The following SOX6 variants were observed in gnomAD, a reference collection of about 807,000 sequenced individuals.
SOX6 encodes the protein transcription factor SOX-6.
Under a neutral mutation model 97.8 loss-of-function variants are expected in SOX6, and 11 were observed. The ratio of observed to expected loss-of-function variants is 0.11; its 90% confidence interval spans 0.07 to 0.19. The LOEUF (loss-of-function observed/expected upper bound fraction) is 0.19, where lower values mean the gene tolerates loss of function less well. Among genes scored for constraint, SOX6 ranks in the 10% least tolerant of loss-of-function variants. The pLI is 1.00. For missense variants in SOX6, 810 were observed against 1,039.5 expected, an observed-to-expected ratio of 0.78 and a Z score of 3.04; for synonymous variants, 360 against 371.4, an observed-to-expected ratio of 0.97 and a Z score of 0.35.
chr11:16,615,048 C>G (rs1181136240), intron 3 of SOX6, among the ~76,000 whole-genome samples: 1 of 152,174 alleles, frequency 6.6e-6, no homozygotes, highest in East Asian at 1.9e-4. Flanking sequence ...GGCCCCCAAG[C>G]CGGACCCCAC....
chr11:16,132,144 G>A (rs1849756069), intron 6 of SOX6, among the ~76,000 whole-genome samples: 1 of 150,652 alleles, frequency 6.6e-6, no homozygotes, highest in Admixed American at 6.7e-5. Flanking sequence ...ATTTACCTAA[G>A]ACTATACCAA....
At chr11:16,346,263 A>G (rs555621965) in intron 1 of SOX6, among the ~76,000 whole-genome samples, 1 of 152,178 alleles carries the variant, frequency 6.6e-6, no homozygotes, top group African/African-American at 2.4e-5. Context: ...ATCTTAAGGA[A>G]CATGAGTAAC....
chr11:16,132,305 AGGAAGGAAGGAAG>A (rs1849772006), intron 6 of SOX6, among the ~76,000 whole-genome samples: 6 of 129,628 alleles, frequency 4.6e-5, no homozygotes, highest in African/African-American at 1.8e-4. Context: ...GAAGGAAGGA[AGGAAGGAAGGAAG>A]GAAGGAAGGA....
intron 1 of SOX6, among the ~76,000 whole-genome samples, chr11:16,394,361 C>T (rs1430401100): frequency 6.6e-6 from 1 of 151,848 alleles, no homozygotes; most frequent in Non-Finnish European, 1.5e-5. Context: ...GTGAGACGTT[C>T]TATAAATCCC....
chr11:16,388,081 T>A (rs949593748), intron 1 of SOX6, among the ~76,000 whole-genome samples: 4 of 152,176 alleles, frequency 2.6e-5, no homozygotes, highest in Non-Finnish European at 5.9e-5. Context: ...AGGTTTTTCC[T>A]AGCCATCCTT....
chr11:15,990,408 A>C (rs1854012930), intron 13 of SOX6, among the ~76,000 whole-genome samples: 1 of 151,816 alleles, frequency 6.6e-6, no homozygotes, highest in African/African-American at 2.4e-5. Context: ...TCCTGATGCT[A>C]TATAATTTCC....
intron 4 of SOX6, among the ~76,000 whole-genome samples, chr11:16,508,544 C>T (rs142087716): frequency 2.0e-5 from 3 of 152,012 alleles, no homozygotes; most frequent in Non-Finnish European, 4.4e-5. Flanking sequence ...ATGGGTGGAA[C>T]TGGAGGTCAT....
At chr11:16,544,565 G>T (rs1847592135) in intron 4 of SOX6, among the ~76,000 whole-genome samples, 1 of 152,134 alleles carries the variant, frequency 6.6e-6, no homozygotes, top group Non-Finnish European at 1.5e-5. Context: ...CAGCCAAAAA[G>T]TGGTTTTGTT....
chr11:16,737,894 AATT>A, intron 1 of SOX6, among the ~76,000 whole-genome samples: 1 of 152,248 alleles, frequency 6.6e-6, no homozygotes, highest in East Asian at 1.9e-4. Flanking sequence ...TAACCTCAAT[AATT>A]ACTTTTTTTA....
intron 1 of SOX6, among the ~76,000 whole-genome samples, chr11:16,379,071 T>G (rs1043718941): frequency 1.3e-5 from 2 of 152,292 alleles, no homozygotes; most frequent in South Asian, 2.1e-4. Context: ...ACAGAGCTGT[T>G]GAGTAATGAT....
At chr11:16,606,673 C>A (rs1565191740) in intron 4 of SOX6, among the ~76,000 whole-genome samples, 1 of 152,176 alleles carries the variant, frequency 6.6e-6, no homozygotes, top group East Asian at 1.9e-4. Context: ...GCCGAGAGGG[C>A]AGACAGATTT....
rs117945617 is a variant in SOX6, at chr11:16,505,596, G to A, written n.610-29208C>T. ...TGCAGGAATTTGCATAAGTTAAGAG[G>A]ATCTGAATGTTAACAGCCAAGACAA... On this transcript the variant is annotated intron_variant and non_coding_transcript_variant, in intron 4 of 5. Transcript: ENST00000524520. 9.0e-3 allele frequency among the ~76,000 whole-genome samples: 1,378 copies of A among 152,300 alleles called. 8 individuals are homozygous for A. Among genetic ancestry groups the A allele is most frequent in the Non-Finnish European group, 0.014 (968 of 68,012 alleles).
At chr11:16,324,874 A>C (rs549664936) in intron 2 of SOX6, among the ~76,000 whole-genome samples, 1 of 152,284 alleles carries the variant, frequency 6.6e-6, no homozygotes, top group East Asian at 1.9e-4. Flanking sequence ...CACATGTGAG[A>C]AGTAGTGAAT....
At chr11:16,332,277 C>A (rs2134325704) in intron 2 of SOX6, among the ~76,000 whole-genome samples, 1 of 151,954 alleles carries the variant, frequency 6.6e-6, no homozygotes, top group African/African-American at 2.4e-5. Context: ...AGTGCTTATG[C>A]AAAAAATTAT....
chr11:16,056,498 C>A (rs1304793416), intron 9 of SOX6, among the ~76,000 whole-genome samples: 2 of 152,062 alleles, frequency 1.3e-5, no homozygotes, highest in Non-Finnish European at 2.9e-5. Flanking sequence ...GAGAATATGG[C>A]CAGATTGGTA....
chr11:16,504,307 T>G (rs1388963421), intron 4 of SOX6, among the ~76,000 whole-genome samples: 1 of 152,064 alleles, frequency 6.6e-6, no homozygotes, highest in Non-Finnish European at 1.5e-5. Context: ...AAATTGTCCC[T>G]CTTTGCAGAG....
intron 1 of SOX6, among the ~76,000 whole-genome samples, chr11:16,414,399 G>A (rs1230655056): frequency 6.6e-6 from 1 of 152,102 alleles, no homozygotes; most frequent in South Asian, 2.1e-4. Context: ...CTAAATGTAA[G>A]AAAAGCAATG....
chr11:16,425,236 T>G (rs1312492755), intron 1 of SOX6, among the ~76,000 whole-genome samples: 2 of 152,232 alleles, frequency 1.3e-5, no homozygotes, highest in African/African-American at 4.8e-5. Flanking sequence ...CAGCTCTAAT[T>G]TGCATCTGGT....
chr11:16,253,697 A>C lies in SOX6; in HGVS notation c.446-19026T>G, dbSNP rs78528836. On this transcript the variant is annotated intron_variant, in intron 3 of 15. Transcript: ENST00000683767. Reference sequence around the variant, plus strand: ...AAGGAAAATAAGACTGGAAAAAAAAACCCAGAATATCCAATAACTGTGGAA... The same window carrying C: ...AAGGAAAATAAGACTGGAAAAAAAACCCCAGAATATCCAATAACTGTGGAA... Among the ~76,000 whole-genome samples, 1,346 of 152,180 alleles carry C rather than the reference A, an allele frequency of 8.8e-3. 18 individuals carry two copies. The highest frequency in any genetic ancestry group is 0.03 in the African/African-American group (1,248 of 41,536).
Sources: gnomAD v4.1 joint callset for allele counts (sites outside exome capture counted in the v4.1 genomes callset) on GRCh38, gnomAD v4.1.1 for gene constraint, MANE v1.5 for transcripts, NCBI Gene and HGNC (gene_info 2026-07-23, HGNC 2026-07-21) for gene names.